ZNRD2: variants seen among roughly 807,000 people sequenced by gnomAD.
The protein encoded by ZNRD2 is protein ZNRD2.
A neutral mutation model predicts 22.0 loss-of-function variants in ZNRD2; 16 were observed. The observed-to-expected ratio is 0.73, with a 90% CI of 0.49 to 1.11. The LOEUF (loss-of-function observed/expected upper bound fraction) is 1.11. Among genes scored for constraint, ZNRD2 ranks in the 50% least tolerant of loss-of-function variants. ZNRD2 has a pLI of 0.00. For missense variants in ZNRD2, 269 were observed against 258.9 expected (o/e 1.04, Z -0.27); for synonymous variants, 105 against 109.8 (o/e 0.96, Z 0.27).
rs1857130936 is a variant in ZNRD2 at position 65,571,663 on chromosome 11, A to G, written c.529A>G (p.Ser177Gly). Residue 177 changes from serine to glycine, a missense_variant, in exon 4 of 4, where the codon AGC becomes GGC. Ser to Gly is a moderately conservative substitution (Grantham distance 56). Transcript: ENST00000309328. Reference sequence around the variant, plus strand: ...GGGCTCTAGCACCTCCCTGGAGACTAGCATCCAGCTGTGTGGCCTTATCCG... The same window carrying G: ...GGGCTCTAGCACCTCCCTGGAGACTGGCATCCAGCTGTGTGGCCTTATCCG... ...ELGSSTSLET[S>G]IQLCGLIRAC... is the part of the protein sequence containing the mutation. 1 of 1,614,050 alleles carries G rather than the reference A, an allele frequency of 6.2e-7. No homozygotes were observed. Among genetic ancestry groups the G allele is most frequent in the East Asian group, 2.2e-5 (1 of 44,886 alleles).
chr11:65,570,916 A>G lies in ZNRD2; in HGVS notation c.202A>G (p.Ile68Val), dbSNP rs1332455205. The G allele has an allele frequency of 1.9e-6, 3 of 1,614,014 alleles. No individual in the cohort carries two copies. The highest frequency in any genetic ancestry group is 1.7e-6 in the Non-Finnish European group (2 of 1,180,028). ...CCTCCTCCAAGACAAACAGCGGAAA[A>G]TCTACTGCGTGGCTTGTCAGGAACT... ...TILLQDKQRKIYCVACQELDS... is the reference protein window; with the variant it reads ...TILLQDKQRKVYCVACQELDS... Residue 68 changes from isoleucine to valine, a missense_variant, in exon 3 of 4, where the codon ATC becomes GTC. Ile to Val is a conservative substitution (Grantham distance 29, BLOSUM62 3). Transcript: ENST00000309328.
At position 65,570,632 on chromosome 11, in the gene ZNRD2, G is replaced by T; in HGVS notation, c.48G>T (p.Pro16=). ...TCGACGACTTCTCCTGGGAGCCCCC[G>T]ACTGAGGCGGAGACGAAGGTGCTGC... ...AEVDDFSWEP[P]TEAETKVLQA... The change falls in exon 2 of 4, where the codon CCG becomes CCT. Residue 16 remains proline, a synonymous_variant. Coordinates refer to ENST00000309328, the MANE Select transcript of ZNRD2 (RefSeq NM_006396.3). 6.2e-7 allele frequency: 1 copy of T among 1,613,894 alleles called. No homozygotes were observed. The highest frequency in any genetic ancestry group is 8.5e-7 in the Non-Finnish European group (1 of 1,179,962).
Position 65,570,732 on chromosome 11 carries a change from G to C in ZNRD2, c.148G>C (p.Gly50Arg). ...DYLLRGYRML[G>R]ETCADCGTIL... ...TCTGCTGCGCGGTTACCGCATGCTG[G>C]GCGAGACGTGTGCGGACTGCGGGGT... is the stretch of plus-strand genomic sequence containing the variant. The change falls in exon 2 of 4, where the codon GGC becomes CGC. Residue 50 changes from glycine to arginine, a missense_variant. Coordinates refer to ENST00000309328, the MANE Select transcript of ZNRD2 (RefSeq NM_006396.3). 6.2e-7 allele frequency: 1 copy of C among 1,613,898 alleles called. No individual in the cohort carries two copies. The highest frequency in any genetic ancestry group is 1.7e-5 in the Admixed American group (1 of 60,006).
chr11:65,571,739 A>AG lies in ZNRD2; in HGVS notation c.*6dup. On this transcript the variant is annotated 3_prime_UTR_variant, in exon 4 of 4. Transcript: ENST00000309328. ...CTGCAGCAGCTACAGCACTAAGAGA[A>AG]GCCCCTGAGAAAAACCCTCTAGAAA... 1 of 1,581,542 alleles carries AG rather than the reference A, an allele frequency of 6.3e-7. No homozygotes were observed.
At position 65,570,911 on chromosome 11, in the gene ZNRD2, G is replaced by C; in HGVS notation, c.197G>C (p.Arg66Pro). The change falls in exon 3 of 4, where the codon CGG (arginine) becomes CCG (proline). Residue 66 changes from arginine (R) to proline (P), a missense_variant. Physicochemically the swap from Arg to Pro is moderately radical, Grantham distance 103. Coordinates refer to ENST00000309328, the MANE Select transcript of ZNRD2 (RefSeq NM_006396.3). ...ACGATCCTCCTCCAAGACAAACAGCGGAAAATCTACTGCGTGGCTTGTCAG... is the reference window on the plus strand; with the variant it reads ...ACGATCCTCCTCCAAGACAAACAGCCGAAAATCTACTGCGTGGCTTGTCAG... ...CGTILLQDKQRKIYCVACQEL... is the reference protein window; with the variant it reads ...CGTILLQDKQPKIYCVACQEL... 6.2e-7 allele frequency: 1 copy of C among 1,614,162 alleles called. No individual in the cohort carries two copies. Among genetic ancestry groups the C allele is most frequent in the Non-Finnish European group, 8.5e-7 (1 of 1,180,024 alleles).
intron 3 of ZNRD2, 43 bp downstream of exon 3, chr11:65,571,013 AG>A (rs769776201): frequency 1.3e-6 from 2 of 1,578,438 alleles, no homozygotes; most frequent in East Asian, 2.2e-5. Context: ...GGATATGCTT[AG>A]GGGGGAAGCG....
In ZNRD2 at chr11:65,571,403, A is replaced by G; in HGVS notation, c.269A>G (p.Gln90Arg). 1 of 1,597,624 alleles carries G rather than the reference A, an allele frequency of 6.3e-7. No individual in the cohort carries two copies. The highest frequency in any genetic ancestry group is 1.1e-5 in the South Asian group (1 of 90,106). Reference sequence around the variant, plus strand: ...CTCCTCTTTTTAGCTCTGAATGCCCAGGCTGCCCTCTCCCAAGCTCGGGAG... The same window carrying G: ...CTCCTCTTTTTAGCTCTGAATGCCCGGGCTGCCCTCTCCCAAGCTCGGGAG... The part of the protein sequence containing the change: ...VDKDNPALNA[Q>R]AALSQAREHQ... The change falls in exon 4 of 4, where the codon CAG becomes CGG. Residue 90 changes from glutamine to arginine, a missense_variant. Physicochemically the swap from Gln to Arg is conservative, Grantham distance 43. Coordinates refer to ENST00000309328, the MANE Select transcript of ZNRD2 (RefSeq NM_006396.3).
Position 65,570,724 on chromosome 11 carries a change from G to T in ZNRD2, c.140G>T (p.Arg47Leu). The part of the protein sequence containing the change: ...LMGDYLLRGY[R>L]MLGETCADCG... ...GGCGACTATCTGCTGCGCGGTTACC[G>T]CATGCTGGGCGAGACGTGTGCGGAC... The change falls in exon 2 of 4, where the codon CGC becomes CTC. Residue 47 changes from arginine to leucine, a missense_variant. By Grantham distance (102) the Arg-to-Leu change is moderately radical. Transcript: ENST00000309328. The T allele has an allele frequency of 6.2e-7, 1 of 1,613,626 alleles. No homozygotes were observed. Among genetic ancestry groups the T allele is most frequent in the Non-Finnish European group, 8.5e-7 (1 of 1,179,912 alleles).
chr11:65,570,991 G>T, intron 3 of ZNRD2, 21 bp downstream of exon 3: 1 of 1,609,698 alleles, frequency 6.2e-7, no homozygotes, highest in Non-Finnish European at 8.5e-7. Context: ...AAAATAATCC[G>T]GGAGAGGGGC....
intron 3 of ZNRD2, 120 bp from the exon 4 acceptor site, chr11:65,571,271 C>G: frequency 7.7e-7 from 1 of 1,296,840 alleles, no homozygotes; most frequent in Non-Finnish European, 1.0e-6. Context: ...GATGAGTTGC[C>G]TTATAGAGGG....
chr11:65,570,697 T>C lies in ZNRD2; in HGVS notation c.113T>C (p.Met38Thr), dbSNP rs1857107724. ...CGGCAAGATCGCATCTCCCGGCTCATGGGCGACTATCTGCTGCGCGGTTAC... is the reference window on the plus strand; with the variant it reads ...CGGCAAGATCGCATCTCCCGGCTCACGGGCGACTATCTGCTGCGCGGTTAC... ...RERQDRISRL[M>T]GDYLLRGYRM... Residue 38 changes from methionine (M) to threonine (T), a missense_variant, in exon 2 of 4, where the codon ATG (methionine) becomes ACG (threonine). By Grantham distance (81) the Met-to-Thr change is moderately conservative. Coordinates refer to ENST00000309328, the MANE Select transcript of ZNRD2 (RefSeq NM_006396.3). 7 of 1,613,830 alleles carry C rather than the reference T, an allele frequency of 4.3e-6. No homozygotes were observed. Among genetic ancestry groups the C allele is most frequent in the Non-Finnish European group, 5.9e-6 (7 of 1,179,958 alleles).
Position 65,571,464 on chromosome 11 carries a change from C to T in ZNRD2, c.330C>T (p.Gly110=). ...CCTCAGCCTCAGAGCTCCCCCTGGG[C>T]TCTCGACCTGCGCCCCAGCCCCCAG... ...QLASASELPL[G]SRPAPQPPVP... Residue 110 remains glycine, a synonymous_variant, in exon 4 of 4, where the codon GGC becomes GGT. Transcript: ENST00000309328. The T allele has an allele frequency of 1.2e-6, 2 of 1,613,638 alleles. No homozygotes were observed. Among genetic ancestry groups the T allele is most frequent in the Non-Finnish European group, 8.5e-7 (1 of 1,179,982 alleles).
rs756717704 is a variant in ZNRD2 at position 65,571,530 on chromosome 11, C to A, written c.396C>A (p.Leu132=). The change falls in exon 4 of 4, where the codon CTC becomes CTA. Residue 132 remains leucine (L), a synonymous_variant. Coordinates refer to ENST00000309328, the MANE Select transcript of ZNRD2 (RefSeq NM_006396.3). The part of the protein sequence containing the change: ...PEHCEGAAAG[L]KAAQGPPAPA... ...ACTGTGAGGGAGCTGCAGCAGGACT[C>A]AAGGCAGCCCAGGGGCCACCTGCTC... 55 of 1,613,962 alleles carry A rather than the reference C, an allele frequency of 3.4e-5. No homozygotes were observed. In the South Asian group the frequency reaches 5.6e-4, roughly 16 times the overall value.
In ZNRD2 at chr11:65,571,831, A is replaced by G; in HGVS notation, c.*97A>G. ...AAGTGTGCATGCCAGCCCCAGCTCCACTCACCTTTTTCCAGCTTTTGGCCT... is the reference window on the plus strand; with the variant it reads ...AAGTGTGCATGCCAGCCCCAGCTCCGCTCACCTTTTTCCAGCTTTTGGCCT... On this transcript the variant is annotated 3_prime_UTR_variant, in exon 4 of 4. Transcript: ENST00000309328. The G allele has an allele frequency of 6.9e-7, 1 of 1,443,712 alleles. No homozygotes were observed. Among genetic ancestry groups the G allele is most frequent in the Non-Finnish European group, 9.1e-7 (1 of 1,100,346 alleles). The allele number at this position is 1,443,712 out of a possible 1,614,324, so 89.4% of individuals were successfully genotyped here.
At chr11:65,570,839 C>G in intron 2 of ZNRD2, 47 bp from the exon 3 acceptor site, 1 of 1,613,656 alleles carries the variant, frequency 6.2e-7, no homozygotes, top group Non-Finnish European at 8.5e-7. Context: ...CCTCTGGACC[C>G]CATTGCCGGC....
chr11:65,570,821 G>C, intron 2 of ZNRD2, 65 bp from the exon 3 acceptor site: 1 of 1,612,680 alleles, frequency 6.2e-7, no homozygotes, highest in Non-Finnish European at 8.5e-7. Context: ...GCCCTTCCCC[G>C]GCCCTCCCCT....
At chr11:65,570,814 C>G in intron 2 of ZNRD2, 59 bp downstream of exon 2, 1 of 1,612,542 alleles carries the variant, frequency 6.2e-7, no homozygotes, top group Non-Finnish European at 8.5e-7. Flanking sequence ...CCACTCAGCC[C>G]TTCCCCGGCC....
chr11:65,570,575 C>T (rs770574587), intron 1 of ZNRD2, 29 bp from the exon 2 acceptor site: 4 of 1,613,872 alleles, frequency 2.5e-6, no homozygotes, highest in South Asian at 2.2e-5. Context: ...TCCGGCAAGA[C>T]CCCCAGTCCC....
At chr11:65,571,032 G>C in intron 3 of ZNRD2, 62 bp downstream of exon 3, 2 of 1,517,356 alleles carry the variant, frequency 1.3e-6, no homozygotes, top group Non-Finnish European at 9.1e-7. Context: ...GCGTGGTTAA[G>C]TGGTGATAGA....
Sources: gnomAD v4.1 joint callset for allele counts on GRCh38, gnomAD v4.1.1 for gene constraint, MANE v1.5 for transcripts, NCBI Gene and HGNC (gene_info 2026-07-23, HGNC 2026-07-21) for gene names.